WDR19: variants seen among roughly 807,000 people sequenced by gnomAD.
WDR19 encodes WD repeat domain 19, also known as WD repeat-containing protein 19.
A neutral mutation model predicts 180.0 loss-of-function variants in WDR19; 121 were observed. The observed-to-expected ratio is 0.67, with a 90% CI of 0.58 to 0.78. WDR19 has a LOEUF of 0.78. Among genes scored for constraint, WDR19 ranks in the 30% least tolerant of loss-of-function variants. WDR19 has a pLI of 0.00. For missense variants in WDR19, 1,450 were observed against 1,640.7 expected (o/e 0.88, Z 2.01); for synonymous variants, 497 against 540.7 (o/e 0.92, Z 1.12).
rs775930216 is a variant in WDR19 at position 39,269,970 on chromosome 4, T to C, written c.3359-6T>C. ...CAGTAATGTCGTTTTACCACCTTTT[T>C]TCAAGGCAACTACCGGAATGCACAC... On this transcript the variant is annotated splice_region_variant and splice_polypyrimidine_tract_variant and intron_variant, in intron 30 of 36. Transcript: ENST00000399820. 1 of 1,613,508 alleles carries C rather than the reference T, an allele frequency of 6.2e-7. No homozygotes were observed. The highest frequency in any genetic ancestry group is 8.5e-7 in the Non-Finnish European group (1 of 1,179,546).
At chr4:39,260,043 T>C (rs1317967523) in intron 28 of WDR19, among the ~76,000 whole-genome samples, 2 of 151,952 alleles carry the variant, frequency 1.3e-5, no homozygotes, top group Admixed American at 1.3e-4. Flanking sequence ...CCCTCCCTTA[T>C]TCTCTCCTTC....
intron 19 of WDR19, among the ~76,000 whole-genome samples, chr4:39,233,463 G>T (rs2109372816): frequency 6.6e-6 from 1 of 152,202 alleles, no homozygotes; most frequent in Non-Finnish European, 1.5e-5. Context: ...ATATTTGTAA[G>T]GATTTAAAAA....
At chr4:39,223,596 C>T (rs1244474488) in intron 14 of WDR19, among the ~76,000 whole-genome samples, 1 of 152,192 alleles carries the variant, frequency 6.6e-6, no homozygotes, top group African/African-American at 2.4e-5. Context: ...CCCACTTCGG[C>T]CTCCCAATGT....
At chr4:39,275,374 G>C (rs907068981) in intron 33 of WDR19, 116 of 270,546 alleles carry the variant, frequency 4.3e-4, no homozygotes, top group African/African-American at 2.5e-3. Context: ...ATATCAATTA[G>C]GATTGTATTT....
rs1237410057 is a variant in WDR19 at position 39,260,392 on chromosome 4, C to T, written c.3183+2838C>T. Among the ~76,000 whole-genome samples the T allele has an allele frequency of 2.9e-5, 4 of 137,674 alleles. No individual in the cohort carries two copies. In the East Asian group the frequency reaches 8.6e-4, roughly 29 times the overall value. The allele number at this position is 137,674 out of a possible 152,430, so 90.3% of individuals were successfully genotyped here. A position where few individuals can be genotyped will look rare whatever the true frequency, so the allele number is the denominator to read the frequency against. ...TCACTTTGTCACCCAGGCTGGAGTT[C>T]AGTGGTGCGATCTCAGCTCACTGCA... is the stretch of plus-strand genomic sequence containing the variant. On this transcript the variant is annotated intron_variant, in intron 28 of 36. Coordinates refer to ENST00000399820, the MANE Select transcript of WDR19 (RefSeq NM_025132.4).
chr4:39,253,079 A>C (rs1474194378), intron 24 of WDR19, 67 bp from the exon 25 acceptor site: 1 of 1,474,228 alleles, frequency 6.8e-7, no homozygotes, highest in East Asian at 2.4e-5. Flanking sequence ...TGTCCTAAAC[A>C]TTTATCAACA....
chr4:39,183,374 C>G (rs1725175622), intron 1 of WDR19, among the ~76,000 whole-genome samples: 1 of 151,234 alleles, frequency 6.6e-6, no homozygotes, highest in African/African-American at 2.4e-5. Flanking sequence ...CTCAGCCCCC[C>G]GAGTAGCTGG....
At chr4:39,233,555 C>T (rs567077209) in intron 19 of WDR19, among the ~76,000 whole-genome samples, 2 of 152,118 alleles carry the variant, frequency 1.3e-5, no homozygotes, top group Non-Finnish European at 2.9e-5. Context: ...TATTATTTCA[C>T]CTAAAACTGG....
chr4:39,182,642 T>G, intron 1 of WDR19, 79 bp downstream of exon 1: 3 of 1,582,644 alleles, frequency 1.9e-6, no homozygotes, highest in Non-Finnish European at 2.6e-6. Context: ...AGAGGATATC[T>G]GTCCCTCTCC....
chr4:39,208,983 G>A (rs573241985), intron 9 of WDR19, among the ~76,000 whole-genome samples: 1 of 152,200 alleles, frequency 6.6e-6, no homozygotes, highest in African/African-American at 2.4e-5. Flanking sequence ...AGGTCAACAA[G>A]GATATAAAAG....
At chr4:39,283,022 T>C (rs976599511) in intron 36 of WDR19, among the ~76,000 whole-genome samples, 13 of 152,228 alleles carry the variant, frequency 8.5e-5, no homozygotes, top group Non-Finnish European at 1.6e-4. Flanking sequence ...CTCTGCAATG[T>C]TGTATAATAG....
chr4:39,220,444 G>A (rs1729538283), intron 14 of WDR19, among the ~76,000 whole-genome samples: 1 of 150,706 alleles, frequency 6.6e-6, no homozygotes, highest in South Asian at 2.1e-4. Context: ...TTATCCTTCT[G>A]AGTAGCTAGG....
chr4:39,234,776 A>T lies in WDR19; in HGVS notation c.2264A>T (p.Asp755Val). Residue 755 changes from aspartate (D) to valine (V), a missense_variant, in exon 20 of 37, where the codon GAT becomes GTT. Asp to Val is a radical substitution (Grantham distance 152, BLOSUM62 -3). Coordinates refer to ENST00000399820, the MANE Select transcript of WDR19 (RefSeq NM_025132.4). ...CPIAALEMRR[D>V]LQHWDSALQL... ...TTCTCTTCTTAACAGATGAGAAGGG[A>T]TTTACAGCATTGGGACAGTGCTCTA... 1 of 1,576,056 alleles carries T rather than the reference A, an allele frequency of 6.3e-7. No individual in the cohort carries two copies.
At chr4:39,214,287 C>T (rs1728836518) in intron 9 of WDR19, among the ~76,000 whole-genome samples, 1 of 152,082 alleles carries the variant, frequency 6.6e-6, no homozygotes, top group Admixed American at 6.6e-5. Context: ...TATTTTCGTA[C>T]CCAAATTTCT....
intron 24 of WDR19, among the ~76,000 whole-genome samples, chr4:39,250,444 C>A (rs962824076): frequency 6.6e-5 from 10 of 152,066 alleles, no homozygotes; most frequent in Non-Finnish European, 1.2e-4. Flanking sequence ...TGAAAACCGT[C>A]AAAAGACAGG....
At chr4:39,267,927 A>G in intron 29 of WDR19, 68 bp from the exon 30 acceptor site, 1 of 1,395,534 alleles carries the variant, frequency 7.2e-7, no homozygotes, top group Middle Eastern at 1.8e-4. Context: ...TTCTAACTGC[A>G]ATACAAAAAT....
At chr4:39,212,941 A>G (rs1728702186) in intron 9 of WDR19, among the ~76,000 whole-genome samples, 5 of 152,366 alleles carry the variant, frequency 3.3e-5, no homozygotes, top group Middle Eastern at 3.4e-3. Flanking sequence ...AAAATAGGCA[A>G]AAGACATAGA....
chr4:39,241,890 A>G (rs1731995598), intron 21 of WDR19, among the ~76,000 whole-genome samples: 1 of 151,444 alleles, frequency 6.6e-6, no homozygotes, highest in South Asian at 2.1e-4. Context: ...ATGATTTTAT[A>G]TATTTTCTTC....
At chr4:39,234,237 T>G (rs1731155854) in intron 19 of WDR19, among the ~76,000 whole-genome samples, 1 of 152,190 alleles carries the variant, frequency 6.6e-6, no homozygotes, top group African/African-American at 2.4e-5. Context: ...ATGATGAGTT[T>G]ATATTTAGAA....
Sources: allele counts gnomAD v4.1 joint callset (sites outside exome capture counted in the v4.1 genomes callset), GRCh38; gene constraint gnomAD v4.1.1; transcripts MANE v1.5; gene names NCBI Gene and HGNC (gene_info 2026-07-23, HGNC 2026-07-21).